The following ACVR1 variants were observed in gnomAD, a reference collection of about 807,000 sequenced individuals.
ACVR1 encodes the protein activin A receptor type 1, also known as activin receptor type-1.
In ACVR1, 38 loss-of-function variants were observed where a neutral mutation model predicts 57.1. That is an observed-to-expected ratio of 0.67 (90% confidence interval 0.51 to 0.87). The LOEUF (loss-of-function observed/expected upper bound fraction) is 0.87, where lower values mean the gene tolerates loss of function less well. Among genes scored for constraint, ACVR1 ranks in the 40% least tolerant of loss-of-function variants. ACVR1 has a pLI of 0.00. For missense variants in ACVR1, 463 were observed against 638.2 expected (o/e 0.73, Z 2.96); for synonymous variants, 212 against 228.1 (o/e 0.93, Z 0.63).
At chr2:157,771,932 C>T (rs1686083631) in intron 6 of ACVR1, among the ~76,000 whole-genome samples, 1 of 152,182 alleles carries the variant, frequency 6.6e-6, no homozygotes, top group African/African-American at 2.4e-5. Context: ...ACTACAAATA[C>T]TGGCTGCCAG....
chr2:157,839,199 T>C (rs935564554), intron 1 of ACVR1, among the ~76,000 whole-genome samples: 1 of 152,210 alleles, frequency 6.6e-6, no homozygotes, highest in Admixed American at 6.5e-5. Context: ...TTAATGACAG[T>C]CTCAGTAACC....
At chr2:157,754,834 G>C (rs1172988198) in intron 9 of ACVR1, among the ~76,000 whole-genome samples, 1 of 152,078 alleles carries the variant, frequency 6.6e-6, no homozygotes, top group Non-Finnish European at 1.5e-5. Flanking sequence ...CAATATCCGT[G>C]ATGAACATAG....
At chr2:157,860,131 A>G (rs1689673078) in intron 1 of ACVR1, 1 of 152,172 alleles carries the variant, frequency 6.6e-6, no homozygotes. Context: ...GGACCAGTCC[A>G]TGAAAATGAG....
intron 1 of ACVR1, among the ~76,000 whole-genome samples, chr2:157,856,153 A>T (rs1689527103): frequency 6.6e-6 from 1 of 152,132 alleles, no homozygotes; most frequent in Non-Finnish European, 1.5e-5. Flanking sequence ...AAAGTGCTAT[A>T]ATGTGCTTTT....
intron 9 of ACVR1, among the ~76,000 whole-genome samples, chr2:157,746,775 T>G (rs556555472): frequency 6.6e-6 from 1 of 152,372 alleles, no homozygotes; most frequent in East Asian, 1.9e-4. Flanking sequence ...TAAGTTCATA[T>G]GGAAAATTCA....
At chr2:157,800,128 T>C (rs1410548702) in intron 2 of ACVR1, among the ~76,000 whole-genome samples, 1 of 152,178 alleles carries the variant, frequency 6.6e-6, no homozygotes, top group Admixed American at 6.5e-5. Context: ...CATGTAAAAA[T>C]AAAAACAAAC....
In ACVR1 at chr2:157,780,493, T is replaced by C. The variant is rs1296302175; in HGVS notation, c.175A>G (p.Ile59Val). The C allele has an allele frequency of 6.2e-7, 1 of 1,614,136 alleles. No homozygotes were observed. The highest frequency in any genetic ancestry group is 1.1e-5 in the South Asian group (1 of 91,078). Residue 59 changes from isoleucine (I) to valine (V), a missense_variant, in exon 4 of 11, where the codon ATC becomes GTC. Around this residue, in one of 3 missense-constraint regions of ACVR1, gnomAD observed 203 missense variants for 235.5 expected, o/e 0.86. Transcript: ENST00000434821. ...TGGTAGACGTGGAAGCCATCGTTGA[T>C]GCTCAGTGAGGAAAAGCACTGCTGG... is the stretch of plus-strand genomic sequence containing the variant. ...EGQQCFSSLS[I>V]NDGFHVYQKG...
At chr2:157,743,862 G>A (rs935511891) in intron 9 of ACVR1, among the ~76,000 whole-genome samples, 1 of 152,054 alleles carries the variant, frequency 6.6e-6, no homozygotes, top group African/African-American at 2.4e-5. Flanking sequence ...CTGTGGACCT[G>A]GCTATGCTTT....
At chr2:157,793,133 A>G (rs1206900870) in intron 3 of ACVR1, among the ~76,000 whole-genome samples, 1 of 152,210 alleles carries the variant, frequency 6.6e-6, no homozygotes, top group Non-Finnish European at 1.5e-5. Flanking sequence ...TTCCATAAAG[A>G]GGAGATGGCA....
chr2:157,798,818 G>A lies in ACVR1; in HGVS notation c.67+609C>T, dbSNP rs959265004. 5.3e-5 allele frequency among the ~76,000 whole-genome samples: 8 copies of A among 149,858 alleles called. No individual in the cohort carries two copies. In the East Asian group the frequency reaches 1.6e-3, roughly 30 times the overall value. On this transcript the variant is annotated intron_variant, in intron 3 of 10. Coordinates refer to ENST00000434821, the MANE Select transcript of ACVR1 (RefSeq NM_001111067.4). ...GCTGGGATTACAGGCATGAGCCACG[G>A]CACCCAGCCTCGCATTTGTTTAAAC...
intron 9 of ACVR1, among the ~76,000 whole-genome samples, chr2:157,753,276 T>C (rs1404643652): frequency 6.6e-6 from 1 of 152,206 alleles, no homozygotes; most frequent in African/African-American, 2.4e-5. Context: ...ACGCCTGTAA[T>C]CCCAACACTT....
At chr2:157,783,940 C>T (rs2105286137) in intron 3 of ACVR1, among the ~76,000 whole-genome samples, 1 of 152,308 alleles carries the variant, frequency 6.6e-6, no homozygotes, top group South Asian at 2.1e-4. Context: ...CATGCACACA[C>T]TCACATTCGC....
intron 2 of ACVR1, chr2:157,806,638 G>A (rs1423826657): frequency 1.3e-5 from 2 of 152,170 alleles, no homozygotes; most frequent in Non-Finnish European, 2.9e-5. Flanking sequence ...TAACCCAAAG[G>A]CAGCTTGTGC....
intron 3 of ACVR1, among the ~76,000 whole-genome samples, chr2:157,784,960 CA>C (rs1252544960): frequency 2.0e-5 from 3 of 152,190 alleles, no homozygotes; most frequent in African/African-American, 7.2e-5. Flanking sequence ...GGGACTTTAG[CA>C]ATCACAACAC....
chr2:157,811,415 TTTC>T (rs1559071061), intron 2 of ACVR1, among the ~76,000 whole-genome samples: 1 of 152,226 alleles, frequency 6.6e-6, no homozygotes, highest in Non-Finnish European at 1.5e-5. Context: ...CATATGTTCT[TTTC>T]TTTTCACTGT....
At chr2:157,782,817 A>C (rs1490420255) in intron 3 of ACVR1, among the ~76,000 whole-genome samples, 1 of 152,236 alleles carries the variant, frequency 6.6e-6, no homozygotes, top group Non-Finnish European at 1.5e-5. Context: ...AATTTGAAAC[A>C]CAAACATGTA....
At chr2:157,870,645 C>A (rs1036614582) in intron 1 of ACVR1, among the ~76,000 whole-genome samples, 1 of 152,022 alleles carries the variant, frequency 6.6e-6, no homozygotes, top group African/African-American at 2.4e-5. Flanking sequence ...TGTCTGGGTC[C>A]TAACTATAAA....
intron 6 of ACVR1, among the ~76,000 whole-genome samples, chr2:157,772,812 T>G (rs1313359353): frequency 6.6e-6 from 1 of 152,226 alleles, no homozygotes; most frequent in Non-Finnish European, 1.5e-5. Context: ...ATTCACAATC[T>G]GCCGTGGAGG....
chr2:157,825,795 G>A (rs779852252), intron 1 of ACVR1, among the ~76,000 whole-genome samples: 8 of 152,284 alleles, frequency 5.3e-5, no homozygotes, highest in African/African-American at 1.7e-4. Flanking sequence ...GGTTCTCAGC[G>A]AAGAATCAGA....
Sources: gnomAD v4.1 joint callset for allele counts (sites outside exome capture counted in the v4.1 genomes callset) on GRCh38, gnomAD v4.1.1 for gene constraint, gnomAD v4.1.1 regional missense constraint, MANE v1.5 for transcripts, NCBI Gene and HGNC (gene_info 2026-07-23, HGNC 2026-07-21) for gene names.